PCDHA1: variants seen among roughly 807,000 people sequenced by gnomAD.
The protein encoded by PCDHA1 is protocadherin alpha 1, also known as protocadherin alpha-1.
Under a neutral mutation model 61.3 loss-of-function variants are expected in PCDHA1, and 42 were observed. The ratio of observed to expected loss-of-function variants is 0.69; its 90% CI spans 0.54 to 0.89. The LOEUF is 0.89. Among genes scored for constraint, PCDHA1 ranks in the 40% least tolerant of loss-of-function variants. The pLI, the probability that PCDHA1 is intolerant of heterozygous loss-of-function variation, is 0.00. For synonymous variants in PCDHA1, 610 were observed against 553.8 expected, an observed-to-expected ratio of 1.10 and a Z score of -1.43; for missense variants, 1,256 against 1,235.3, an observed-to-expected ratio of 1.02 and a Z score of -0.25.
intron 1 of PCDHA1, chr5:140,870,820 G>C (rs1554164732): frequency 1.9e-6 from 3 of 1,613,630 alleles, no homozygotes; most frequent in African/African-American, 1.3e-5. Context: ...TGGCAGCGCG[G>C]GAGGCGCAGT....
At chr5:140,836,386 C>A in intron 1 of PCDHA1, 1 of 1,613,722 alleles carries the variant, frequency 6.2e-7, no homozygotes, top group Non-Finnish European at 8.5e-7. Context: ...GTGCTGGTGT[C>A]GCTGGTGGAA....
chr5:140,795,073 G>T (rs782489216), intron 1 of PCDHA1: 1 of 1,613,978 alleles, frequency 6.2e-7, no homozygotes, highest in Non-Finnish European at 8.5e-7. Context: ...CTCCGTCCCC[G>T]AGGAGGCCAA....
At chr5:140,930,403 T>A (rs1337428261) in intron 1 of PCDHA1, 6 of 152,200 alleles carry the variant, frequency 3.9e-5, no homozygotes, top group African/African-American at 1.2e-4. Context: ...CTTTTTTTTT[T>A]TTGAGACAGG....
chr5:140,885,925 T>A lies in PCDHA1; in HGVS notation c.2395-93024T>A, dbSNP rs1431219397. The stretch of plus-strand genomic sequence containing the variant: ...CTGTACCTTATAGATATTAACTGTT[T>A]ATCTATTTTTTGACATTTTTAATTA... On this transcript the variant is annotated intron_variant, in intron 1 of 3. Coordinates refer to ENST00000504120, the MANE Select transcript of PCDHA1 (RefSeq NM_018900.4). 2.0e-5 allele frequency among the ~76,000 whole-genome samples: 3 copies of A among 151,896 alleles called. No homozygotes were observed. In the East Asian group the frequency reaches 5.8e-4, roughly 29 times the overall value.
intron 1 of PCDHA1, among the ~76,000 whole-genome samples, chr5:140,800,807 T>C (rs1554121218): frequency 6.6e-6 from 1 of 152,234 alleles, no homozygotes; most frequent in African/African-American, 2.4e-5. Context: ...CACAATATTT[T>C]AGTGTATGTC....
intron 1 of PCDHA1, among the ~76,000 whole-genome samples, chr5:140,818,056 A>G (rs1240015136): frequency 6.6e-6 from 1 of 152,174 alleles, no homozygotes; most frequent in Non-Finnish European, 1.5e-5. Flanking sequence ...CTTTGTTTTT[A>G]ATCTCGCTTG....
chr5:140,952,615 C>T (rs572552032), intron 1 of PCDHA1, among the ~76,000 whole-genome samples: 1 of 152,288 alleles, frequency 6.6e-6, no homozygotes, highest in East Asian at 1.9e-4. Context: ...TCTCCCTCAT[C>T]TTCCCTCCAC....
intron 1 of PCDHA1, among the ~76,000 whole-genome samples, chr5:140,974,337 T>TA (rs2096623719): frequency 6.6e-6 from 1 of 152,214 alleles, no homozygotes; most frequent in Admixed American, 6.5e-5. Context: ...GCTAGCAGGC[T>TA]ATGCATCCAG....
At chr5:140,914,761 G>A (rs2076826214) in intron 1 of PCDHA1, among the ~76,000 whole-genome samples, 1 of 151,734 alleles carries the variant, frequency 6.6e-6, no homozygotes, top group Non-Finnish European at 1.5e-5. Context: ...GAGGTTACAT[G>A]AGGTTTATGA....
chr5:140,926,404 A>G (rs192980510), intron 1 of PCDHA1: 1 of 152,612 alleles, frequency 6.6e-6, no homozygotes, highest in African/African-American at 2.4e-5. Context: ...GTTATCAGCA[A>G]TCTGCGGGCA....
chr5:140,865,315 G>A (rs183867521), intron 1 of PCDHA1: 43 of 152,182 alleles, frequency 2.8e-4, no homozygotes, highest in African/African-American at 7.9e-4. Flanking sequence ...CAAATGAGAT[G>A]GCCTTTAATT....
intron 1 of PCDHA1, among the ~76,000 whole-genome samples, chr5:140,925,641 T>TAATA (rs2082614636): frequency 7.0e-6 from 1 of 143,358 alleles, no homozygotes; most frequent in Non-Finnish European, 1.5e-5. Flanking sequence ...GAACTTAAAG[T>TAATA]ATAATAATAA....
intron 1 of PCDHA1, among the ~76,000 whole-genome samples, chr5:140,955,355 G>A (rs1406631698): frequency 1.3e-5 from 2 of 152,086 alleles, no homozygotes; most frequent in African/African-American, 4.8e-5. Flanking sequence ...GTTGTGAGAG[G>A]GACCCAGTGG....
intron 1 of PCDHA1, chr5:140,850,726 C>T (rs781908002): frequency 6.3e-7 from 1 of 1,597,804 alleles, no homozygotes; most frequent in Non-Finnish European, 8.6e-7. Flanking sequence ...TGTTCTAGCG[C>T]GGTGGGGAGT....
chr5:140,882,990 A>C, intron 1 of PCDHA1: 1 of 1,614,130 alleles, frequency 6.2e-7, no homozygotes, highest in East Asian at 2.2e-5. Context: ...AACGCCCCGG[A>C]ATTTTACCAA....
intron 1 of PCDHA1, chr5:140,884,609 G>T: frequency 6.2e-7 from 1 of 1,614,138 alleles, no homozygotes; most frequent in Non-Finnish European, 8.5e-7. Context: ...TCCTTGTCTG[G>T]GTTCTGCAGA....
At position 140,849,809 on chromosome 5, in the gene PCDHA1, G is replaced by T. The variant is rs147465571; in HGVS notation, c.2394+61125G>T. 1.1e-3 allele frequency: 1,794 copies of T among 1,598,496 alleles called. 170 individuals are homozygous for T. The highest frequency in any genetic ancestry group is 1.4e-3 in the Non-Finnish European group (1,689 of 1,167,928). On this transcript the variant is annotated intron_variant, in intron 1 of 3. Transcript: ENST00000504120. ...GGGGCTCGCCTTCACTGTGGGCCACGGCCAGGGTGTCTGTGGAGGTGGCCG... is the reference window on the plus strand; with the variant it reads ...GGGGCTCGCCTTCACTGTGGGCCACTGCCAGGGTGTCTGTGGAGGTGGCCG...
intron 1 of PCDHA1, chr5:140,858,779 C>T (rs771428982): frequency 5.0e-6 from 2 of 403,886 alleles, no homozygotes; most frequent in Non-Finnish European, 9.0e-6. Flanking sequence ...ATTAGTACTT[C>T]ATGTTATTTC....
intron 1 of PCDHA1, chr5:140,843,825 CATT>C: frequency 1.7e-6 from 2 of 1,188,044 alleles, no homozygotes; most frequent in East Asian, 2.4e-5. Context: ...AAAATTTAAA[CATT>C]GTTTAGTTTT....
Sources: allele counts gnomAD v4.1 joint callset (sites outside exome capture counted in the v4.1 genomes callset), GRCh38; gene constraint gnomAD v4.1.1; transcripts MANE v1.5; gene names NCBI Gene and HGNC (gene_info 2026-07-23, HGNC 2026-07-21).